The following ZFYVE1 variants were observed in gnomAD, a reference collection of about 807,000 sequenced individuals.
The protein encoded by ZFYVE1 is zinc finger FYVE domain-containing protein 1.
ZFYVE1 carries 30 observed loss-of-function variants against 74.4 expected under a neutral mutation model. The observed-to-expected ratio is 0.40, with a 90% confidence interval of 0.30 to 0.55. The LOEUF is 0.55. Ranked by LOEUF, ZFYVE1 falls within the 20% of genes least tolerant of loss-of-function variation. The probability of loss-of-function intolerance (pLI) is 0.42; values close to 1 mark genes in which losing one functional copy is unlikely to be tolerated. For synonymous variants in ZFYVE1, 335 were observed against 385.1 expected (o/e 0.87, Z 1.52); for missense variants, 703 against 1,011.6 (o/e 0.69, Z 4.14).
At chr14:72,979,175 G>A (rs1427666712) in intron 5 of ZFYVE1, 11 of 533,978 alleles carry the variant, frequency 2.1e-5, no homozygotes, top group Middle Eastern at 4.6e-4. Context: ...GAGGCACAGC[G>A]ACTACTATCC....
rs897186850 is a variant in ZFYVE1, at chr14:72,977,852, G to C, written c.1635+75C>G. The C allele has an allele frequency of 2.5e-5, 36 of 1,444,142 alleles. No individual in the cohort carries two copies. In the African/African-American group the frequency reaches 4.8e-4, roughly 19 times the overall value. 89.5% of individuals were successfully genotyped at this position (1,444,142 alleles called of 1,614,324 possible). ...CATGGTTAACCTTAATTTTAAGCAG[G>C]TTCCAGTTTTCTATACACATGAAAA... On this transcript the variant is annotated intron_variant, in intron 8 of 11. Transcript: ENST00000556143.
intron 2 of ZFYVE1, among the ~76,000 whole-genome samples, chr14:73,002,205 T>G (rs979193652): frequency 6.6e-5 from 10 of 152,142 alleles, no homozygotes; most frequent in African/African-American, 2.4e-4. Context: ...TCCATTTATA[T>G]GAAACGTCCA....
intron 4 of ZFYVE1, among the ~76,000 whole-genome samples, chr14:72,982,935 C>T (rs978498906): frequency 6.6e-6 from 1 of 152,122 alleles, no homozygotes; most frequent in Non-Finnish European, 1.5e-5. Context: ...CCTCTGCCCC[C>T]TGGGTTCAAG....
chr14:73,007,899 T>G (rs1393492991), intron 2 of ZFYVE1, among the ~76,000 whole-genome samples: 2 of 152,232 alleles, frequency 1.3e-5, no homozygotes, highest in African/African-American at 4.8e-5. Context: ...GAGTTTCACA[T>G]AAAAACACAA....
intron 4 of ZFYVE1, among the ~76,000 whole-genome samples, chr14:72,991,018 T>G (rs1893597986): frequency 6.6e-6 from 1 of 151,978 alleles, no homozygotes; most frequent in Non-Finnish European, 1.5e-5. Context: ...AGGTTCATTT[T>G]AATCGCAGAA....
At chr14:73,004,701 T>C (rs1854710244) in intron 2 of ZFYVE1, among the ~76,000 whole-genome samples, 2 of 152,016 alleles carry the variant, frequency 1.3e-5, no homozygotes, top group African/African-American at 4.8e-5. Context: ...ATTTTCGTCA[T>C]GTGAAAGGAG....
chr14:72,981,986 G>A (rs1387595711), intron 4 of ZFYVE1, 91 bp from the exon 5 acceptor site: 29 of 1,064,372 alleles, frequency 2.7e-5, no homozygotes, highest in Non-Finnish European at 2.4e-5. Context: ...AGCAACACAG[G>A]CACAGAAGAA....
Position 73,024,724 on chromosome 14 carries a change from G to A in ZFYVE1, c.-216C>T, listed in dbSNP as rs964023665. 18 of 607,112 alleles carry A rather than the reference G, an allele frequency of 3.0e-5. No individual in the cohort carries two copies. In the East Asian group the frequency reaches 3.8e-4, roughly 13 times the overall value. The allele number at this position is 607,112 out of a possible 1,614,324, so 37.6% of individuals were successfully genotyped here. A position where few individuals can be genotyped will look rare whatever the true frequency, so the allele number is the denominator to read the frequency against. On this transcript the variant is annotated 5_prime_UTR_variant, in exon 2 of 12. It adds an upstream start codon to the 5' untranslated region. Transcript: ENST00000556143. ...CTAAGACTCTTGTATTAGCAGCAAC[G>A]TTGATTTGGTTTGATGGTTTCATCC... is the stretch of plus-strand genomic sequence containing the variant.
intron 2 of ZFYVE1, among the ~76,000 whole-genome samples, chr14:73,004,622 G>A (rs541439379): frequency 2.0e-5 from 3 of 152,090 alleles, no homozygotes; most frequent in Non-Finnish European, 2.9e-5. Context: ...CTGGGAGGAG[G>A]AACTCAAAGC....
At chr14:73,020,013 T>C (rs1894283571) in intron 2 of ZFYVE1, among the ~76,000 whole-genome samples, 1 of 151,774 alleles carries the variant, frequency 6.6e-6, no homozygotes, top group South Asian at 2.1e-4. Flanking sequence ...TCCTAGCACT[T>C]TGGGAGGCCA....
In ZFYVE1 at chr14:73,024,443, G is replaced by GT. The variant is rs1566566366; in HGVS notation, c.65dup (p.Tyr22Ter). The part of the protein sequence containing the change: ...LNPGLMCQES[Y>*]ACSGTDEAIF... ...TAGCTTCATCAGTCCCGCTGCAAGCGTAACTTTCCTGGCACATCAGCCCCG... is the reference window on the plus strand; with the variant it reads ...TAGCTTCATCAGTCCCGCTGCAAGCGTTAACTTTCCTGGCACATCAGCCCCG... The change falls in exon 2 of 12, where the codon TAC becomes TAAC. Residue 22 changes from tyrosine (Y) to a stop codon, truncating the protein, a stop_gained and frameshift_variant. Transcript: ENST00000556143. LOFTEE classifies it high-confidence loss of function. 1 of 1,614,008 alleles carries GT rather than the reference G, an allele frequency of 6.2e-7. No homozygotes were observed. Among genetic ancestry groups the GT allele is most frequent in the Non-Finnish European group, 8.5e-7 (1 of 1,179,922 alleles).
intron 2 of ZFYVE1, among the ~76,000 whole-genome samples, chr14:73,008,438 G>A (rs976031240): frequency 2.6e-5 from 4 of 152,176 alleles, no homozygotes; most frequent in South Asian, 2.1e-4. Context: ...GATTACAGGC[G>A]TAAGCCACCA....
chr14:73,002,162 G>A lies in ZFYVE1; in HGVS notation c.484-3847C>T, dbSNP rs558394868. 1.5e-3 allele frequency among the ~76,000 whole-genome samples: 221 copies of A among 152,214 alleles called. 1 individual carries two copies. In the South Asian group the frequency reaches 0.015, roughly 10 times the overall value. The stretch of plus-strand genomic sequence containing the variant: ...CCCTTGAAAACATGGTAAGTGAAAG[G>A]AGCCACAATCAAAAGACCACATAGT... On this transcript the variant is annotated intron_variant, in intron 2 of 11. Coordinates refer to ENST00000556143, the MANE Select transcript of ZFYVE1 (RefSeq NM_021260.4).
chr14:72,986,088 C>T (rs773173587), intron 4 of ZFYVE1, among the ~76,000 whole-genome samples: 1 of 152,190 alleles, frequency 6.6e-6, no homozygotes, highest in African/African-American at 2.4e-5. Context: ...TCCAATACAG[C>T]GTAAGGTTCT....
intron 2 of ZFYVE1, among the ~76,000 whole-genome samples, chr14:73,009,411 C>A (rs1016638126): frequency 3.9e-5 from 6 of 152,162 alleles, no homozygotes; most frequent in Non-Finnish European, 5.9e-5. Context: ...TGCTTTGCCC[C>A]AAGCCAGAGT....
intron 2 of ZFYVE1, among the ~76,000 whole-genome samples, chr14:73,014,907 G>A (rs561371290): frequency 6.6e-6 from 1 of 152,254 alleles, no homozygotes; most frequent in South Asian, 2.1e-4. Flanking sequence ...GCACAGACAT[G>A]TGGCAGACCA....
intron 6 of ZFYVE1, 28 bp from the exon 7 acceptor site, chr14:72,978,262 ATTGT>A (rs780174170): frequency 1.9e-6 from 3 of 1,605,630 alleles, no homozygotes; most frequent in Non-Finnish European, 2.6e-6. Context: ...CTGCTAGCTT[ATTGT>A]TTGTTTTTTG....
chr14:73,004,785 C>G (rs544521870), intron 2 of ZFYVE1, among the ~76,000 whole-genome samples: 2 of 152,112 alleles, frequency 1.3e-5, no homozygotes, highest in South Asian at 4.1e-4. Context: ...ATCACTTGAG[C>G]CCAGGGGTTT....
In ZFYVE1 at chr14:73,024,192, C is replaced by A. The variant is rs1265511253; in HGVS notation, c.317G>T (p.Arg106Met). The A allele has an allele frequency of 6.2e-7, 1 of 1,614,146 alleles. No individual in the cohort carries two copies. The highest frequency in any genetic ancestry group is 8.5e-7 in the Non-Finnish European group (1 of 1,180,040). The change falls in exon 2 of 12, where the codon AGG becomes ATG. Residue 106 changes from arginine (R) to methionine (M), a missense_variant. Arg to Met is a moderately conservative substitution (Grantham distance 91). Coordinates refer to ENST00000556143, the MANE Select transcript of ZFYVE1 (RefSeq NM_021260.4). Reference protein sequence around the residue: ...KINLCLECQKRTHSGGNKRRH... With the variant: ...KINLCLECQKMTHSGGNKRRH... The stretch of plus-strand genomic sequence containing the variant: ...CCTTTTGTTACCCCCAGAATGAGTC[C>A]TCTTCTGGCACTCCAGGCACAAGTT...
Sources: allele counts gnomAD v4.1 joint callset (sites outside exome capture counted in the v4.1 genomes callset), GRCh38; gene constraint gnomAD v4.1.1; transcripts MANE v1.5; gene names NCBI Gene and HGNC (gene_info 2026-07-23, HGNC 2026-07-21).